Variants in ACSM5 observed in about 807,000 individuals in gnomAD.
ACSM5 encodes the protein acyl-coenzyme A synthetase ACSM5, mitochondrial.
In ACSM5, 56 loss-of-function variants were observed where a neutral mutation model predicts 71.6. That is an observed-to-expected ratio of 0.78 (90% CI 0.63 to 0.98). ACSM5 has a LOEUF of 0.98. Among genes scored for constraint, ACSM5 ranks in the 50% least tolerant of loss-of-function variants. The probability of loss-of-function intolerance (pLI) is 0.00; values close to 1 mark genes in which losing one functional copy is unlikely to be tolerated. For synonymous variants in ACSM5, 285 were observed against 281.5 expected (o/e 1.01, Z -0.12); for missense variants, 723 against 726.0 (o/e 1.00, Z 0.05).
intron 10 of ACSM5, among the ~76,000 whole-genome samples, chr16:20,435,657 G>T (rs569999571): frequency 1.3e-5 from 2 of 152,086 alleles, no homozygotes; most frequent in Non-Finnish European, 1.5e-5. Context: ...ATTGTTTGTC[G>T]TCAGTATATA....
chr16:20,421,791 A>G (rs1966887492), intron 5 of ACSM5, among the ~76,000 whole-genome samples: 2 of 151,752 alleles, frequency 1.3e-5, no homozygotes, highest in Admixed American at 6.6e-5. Context: ...AACCACAATC[A>G]CCATCCATTT....
chr16:20,428,748 T>G (rs1185064044), intron 7 of ACSM5, among the ~76,000 whole-genome samples: 2 of 152,168 alleles, frequency 1.3e-5, no homozygotes, highest in African/African-American at 4.8e-5. Context: ...AAGCTCCAAG[T>G]ACCTCGTTAA....
Position 20,418,081 on chromosome 16 carries a change from C to T in ACSM5, c.227C>T (p.Pro76Leu). Residue 76 changes from proline (P) to leucine (L), a missense_variant, in exon 3 of 14, where the codon CCT becomes CTT. Pro to Leu is a moderately conservative substitution (Grantham distance 98). Transcript: ENST00000331849. Reference protein sequence around the residue: ...LEEAGHRPPNPAFWWVNGTGA... With the variant: ...LEEAGHRPPNLAFWWVNGTGA... ...TAGGCTGGACACCGCCCCCCAAATC[C>T]TGCCTTCTGGTGGGTCAATGGCACA... is the stretch of plus-strand genomic sequence containing the variant. 5 of 1,613,838 alleles carry T rather than the reference C, an allele frequency of 3.1e-6. No homozygotes were observed. In the African/African-American group the frequency reaches 5.3e-5, roughly 17 times the overall value.
intron 2 of ACSM5, among the ~76,000 whole-genome samples, chr16:20,416,690 A>G (rs1966857038): frequency 6.6e-6 from 1 of 152,196 alleles, no homozygotes; most frequent in Non-Finnish European, 1.5e-5. Context: ...TCTAAAGCAA[A>G]AGCAACAAAA....
chr16:20,431,302 G>C lies in ACSM5; in HGVS notation c.1289G>C (p.Cys430Ser). 1 of 1,614,126 alleles carries C rather than the reference G, an allele frequency of 6.2e-7. No individual in the cohort carries two copies. Among genetic ancestry groups the C allele is most frequent in the Non-Finnish European group, 8.5e-7 (1 of 1,179,988 alleles). The change falls in exon 10 of 14, where the codon TGT (cysteine) becomes TCT (serine). Residue 430 changes from cysteine to serine, a missense_variant. By Grantham distance (112) the Cys-to-Ser change is moderately radical. Coordinates refer to ENST00000331849, the MANE Select transcript of ACSM5 (RefSeq NM_017888.3). ...CGTATCAGACCCACTCGGCCCTTCTGTTTCTTCAATTGCTATTTGGTAAGA... is the reference window on the plus strand; with the variant it reads ...CGTATCAGACCCACTCGGCCCTTCTCTTTCTTCAATTGCTATTTGGTAAGA... The part of the protein sequence containing the change: ...AVRIRPTRPF[C>S]FFNCYLDNPE...
intron 2 of ACSM5, among the ~76,000 whole-genome samples, chr16:20,412,776 C>G (rs1966850166): frequency 6.6e-6 from 1 of 151,992 alleles, no homozygotes; most frequent in Non-Finnish European, 1.5e-5. Context: ...AAAAGAAAAG[C>G]TGGAGAATAC....
At chr16:20,427,381 C>T (rs1270587631) in intron 6 of ACSM5, among the ~76,000 whole-genome samples, 4 of 152,212 alleles carry the variant, frequency 2.6e-5, no homozygotes, top group Admixed American at 6.5e-5. Context: ...GTTTGCTAGT[C>T]TCCAGTTTCT....
In ACSM5 at chr16:20,431,040, C is replaced by T. The variant is rs1466355622; in HGVS notation, c.1173C>T (p.Ser391=). The change falls in exon 9 of 14, where the codon TCC becomes TCT. Residue 391 remains serine, a synonymous_variant. Coordinates refer to ENST00000331849, the MANE Select transcript of ACSM5 (RefSeq NM_017888.3). ...NPKGMKIKSG[S]MGKASPPYDV... The stretch of plus-strand genomic sequence containing the variant: ...AAGGCATGAAAATCAAGTCTGGATC[C>T]ATGGGGAAGGCGTCCCCACCCTACG... The T allele has an allele frequency of 2.2e-5, 35 of 1,613,870 alleles. No homozygotes were observed. Among genetic ancestry groups the T allele is most frequent in the African/African-American group, 4.0e-5 (3 of 74,930 alleles).
At chr16:20,430,706 GA>G (rs375581562) in intron 8 of ACSM5, among the ~76,000 whole-genome samples, 16 of 150,068 alleles carry the variant, frequency 1.1e-4, no homozygotes, top group African/African-American at 2.4e-4. Flanking sequence ...GGAAAAGAAT[GA>G]AAAAAAGGAG....
intron 10 of ACSM5, among the ~76,000 whole-genome samples, chr16:20,436,090 T>G (rs1225028586): frequency 2.2e-5 from 2 of 91,348 alleles, no homozygotes; most frequent in Non-Finnish European, 4.2e-5. Context: ...CCTTCCTTCC[T>G]TTTCTCTTTC....
intron 10 of ACSM5, among the ~76,000 whole-genome samples, chr16:20,436,023 C>G (rs1042062886): frequency 2.0e-5 from 2 of 100,450 alleles, no homozygotes; most frequent in African/African-American, 1.3e-4. Context: ...TTTCTTCATT[C>G]TTTCTTTCTT....
chr16:20,421,936 G>A (rs1275024221), intron 5 of ACSM5, among the ~76,000 whole-genome samples: 1 of 151,302 alleles, frequency 6.6e-6, no homozygotes, highest in Non-Finnish European at 1.5e-5. Context: ...TAGGTATTTC[G>A]TGTAACTGGC....
intron 1 of ACSM5, among the ~76,000 whole-genome samples, chr16:20,410,578 T>G (rs985723148): frequency 4.6e-5 from 7 of 152,060 alleles, no homozygotes; most frequent in Middle Eastern, 3.4e-3. Flanking sequence ...AAAAAACTTT[T>G]TAAAAGTTAG....
At chr16:20,418,756 C>T (rs764854600) in intron 3 of ACSM5, among the ~76,000 whole-genome samples, 4 of 152,128 alleles carry the variant, frequency 2.6e-5, no homozygotes, top group Non-Finnish European at 2.9e-5. Flanking sequence ...TTTACCCGAA[C>T]GATGCAGTTA....
intron 2 of ACSM5, among the ~76,000 whole-genome samples, chr16:20,414,604 A>G (rs1966853199): frequency 6.6e-6 from 1 of 152,260 alleles, no homozygotes; most frequent in Non-Finnish European, 1.5e-5. Flanking sequence ...GTTTGTGATA[A>G]TTTATTACAG....
Position 20,419,141 on chromosome 16 carries a change from C to T in ACSM5, c.416-87C>T, listed in dbSNP as rs1596613430. ...TTCCAGCTCATGCATTCCAACCCTC[C>T]CCAGCCCCTTCCTGCCTTCATCTCT... On this transcript the variant is annotated intron_variant, in intron 3 of 13. Transcript: ENST00000331849. 7.2e-6 allele frequency: 9 copies of T among 1,248,646 alleles called. No homozygotes were observed. In the East Asian group the frequency reaches 1.9e-4, roughly 26 times the overall value. The allele number at this position is 1,248,646 out of a possible 1,614,324, so 77.3% of individuals were successfully genotyped here. A position where few individuals can be genotyped will look rare whatever the true frequency, so the allele number is the denominator to read the frequency against.
At chr16:20,421,696 T>A (rs1191608798) in intron 5 of ACSM5, among the ~76,000 whole-genome samples, 1 of 149,198 alleles carries the variant, frequency 6.7e-6, no homozygotes, top group Non-Finnish European at 1.5e-5. Flanking sequence ...CATATAAACA[T>A]ATATATACAT....
intron 10 of ACSM5, among the ~76,000 whole-genome samples, chr16:20,432,590 G>A (rs1209751065): frequency 2.0e-5 from 3 of 151,918 alleles, no homozygotes; most frequent in Non-Finnish European, 4.4e-5. Context: ...GTAAATCTTT[G>A]ACCCCACTGA....
Position 20,427,817 on chromosome 16 carries a change from C to T in ACSM5, c.951C>T (p.Leu317=). 2 of 1,614,058 alleles carry T rather than the reference C, an allele frequency of 1.2e-6. No individual in the cohort carries two copies. Among genetic ancestry groups the T allele is most frequent in the South Asian group, 2.2e-5 (2 of 91,078 alleles). ...TCTCCAAATTCCCGATAACCACCCT[C>T]TGCTGTGTCCCAACCATCTTTCGGC... The part of the protein sequence containing the change: ...NTLSKFPITT[L]CCVPTIFRLL... The change falls in exon 7 of 14, where the codon CTC becomes CTT. Residue 317 remains leucine, a synonymous_variant. Transcript: ENST00000331849.
Sources: allele counts gnomAD v4.1 joint callset (sites outside exome capture counted in the v4.1 genomes callset), GRCh38; gene constraint gnomAD v4.1.1; transcripts MANE v1.5; gene names NCBI Gene and HGNC (gene_info 2026-07-23, HGNC 2026-07-21).